The following PCDHA1 variants were observed in gnomAD, a reference collection of about 807,000 sequenced individuals.
PCDHA1 encodes protocadherin alpha 1, also known as protocadherin alpha-1.
A neutral mutation model predicts 61.3 loss-of-function variants in PCDHA1; 42 were observed. That is an observed-to-expected ratio of 0.69 (90% CI 0.54 to 0.89). The LOEUF (loss-of-function observed/expected upper bound fraction) is 0.89, where lower values mean the gene tolerates loss of function less well. PCDHA1 is among the 40% of genes least tolerant of loss of function. The pLI, the probability that PCDHA1 is intolerant of heterozygous loss-of-function variation, is 0.00. For missense variants in PCDHA1, 1,256 were observed against 1,235.3 expected, an observed-to-expected ratio of 1.02 and a Z score of -0.25; for synonymous variants, 610 against 553.8, an observed-to-expected ratio of 1.10 and a Z score of -1.43.
intron 1 of PCDHA1, chr5:140,927,529 C>A: frequency 6.2e-7 from 1 of 1,614,098 alleles, no homozygotes; most frequent in South Asian, 1.1e-5. Flanking sequence ...GCTACCTGCC[C>A]GCTCAGGAGA....
rs1554262627 is a variant in PCDHA1 at position 141,009,982 on chromosome 5, T to C, written c.*45T>C. On this transcript the variant is annotated 3_prime_UTR_variant, in exon 4 of 4. Transcript: ENST00000504120. ...GCCACTTAGCCAGTTTTTGTAATAA[T>C]GGCAAATCTCTCCCATGTAGCAATT... 1 of 1,582,572 alleles carries C rather than the reference T, an allele frequency of 6.3e-7. No homozygotes were observed. Among genetic ancestry groups the C allele is most frequent in the East Asian group, 2.2e-5 (1 of 44,666 alleles).
At chr5:140,833,540 G>A (rs1050312337) in intron 1 of PCDHA1, among the ~76,000 whole-genome samples, 6 of 152,094 alleles carry the variant, frequency 3.9e-5, no homozygotes, top group African/African-American at 1.4e-4. Flanking sequence ...GTGTTCGAAA[G>A]GATAGAATGA....
intron 3 of PCDHA1, among the ~76,000 whole-genome samples, chr5:141,005,530 C>T (rs920110529): frequency 1.3e-5 from 2 of 151,002 alleles, no homozygotes; most frequent in Non-Finnish European, 3.0e-5. Context: ...GGTGAAACCC[C>T]GTCTCTACTA....
chr5:140,871,420 C>G (rs1193380487), intron 1 of PCDHA1: 1 of 1,613,620 alleles, frequency 6.2e-7, no homozygotes, highest in Non-Finnish European at 8.5e-7. Context: ...GGCCTTCAGC[C>G]CCAGTCTTCC....
chr5:140,857,278 C>A lies in PCDHA1; in HGVS notation c.2394+68594C>A, dbSNP rs541123870. On this transcript the variant is annotated intron_variant, in intron 1 of 3. Transcript: ENST00000504120. ...ATTACTACTCATTGGTGCTGGACAGCGCTCTGGACCGCGAGAGGGTGTCGG... is the reference window on the plus strand; with the variant it reads ...ATTACTACTCATTGGTGCTGGACAGAGCTCTGGACCGCGAGAGGGTGTCGG... The A allele has an allele frequency of 1.8e-5, 29 of 1,598,570 alleles. 3 individuals are homozygous for A. The highest frequency in any genetic ancestry group is 1.7e-4 in the Middle Eastern group (1 of 5,938).
intron 3 of PCDHA1, among the ~76,000 whole-genome samples, chr5:140,997,668 T>TTGTGTGTGTGTGTGTGTGTG (rs35184029): frequency 6.7e-6 from 1 of 148,244 alleles, no homozygotes; most frequent in African/African-American, 2.5e-5. Context: ...ATTATACAGC[T>TTGTGTGTGTGTGTGTGTGTG]TGTGTGTGTG....
intron 1 of PCDHA1, chr5:140,851,035 A>G: frequency 7.1e-7 from 1 of 1,400,972 alleles, no homozygotes; most frequent in Non-Finnish European, 9.4e-7. Context: ...ACCCCTTAAC[A>G]TTGGAGCCGA....
rs1307934746 is a variant in PCDHA1, at chr5:140,846,014, A to C, written c.2394+57330A>C. 1.3e-5 allele frequency among the ~76,000 whole-genome samples: 2 copies of C among 149,776 alleles called. 1 individual carries two copies. Among genetic ancestry groups the C allele is most frequent in the Non-Finnish European group, 3.0e-5 (2 of 66,864 alleles). On this transcript the variant is annotated intron_variant, in intron 1 of 3. Transcript: ENST00000504120. ...TGTGGTGGAATGAAAAAAATCTAAA[A>C]GTTATTACGAGTTTAGGAAAGTCAA...
chr5:140,929,185 GATA>G (rs1393626283), intron 1 of PCDHA1: 12 of 1,614,168 alleles, frequency 7.4e-6, no homozygotes, highest in Non-Finnish European at 1.0e-5. Flanking sequence ...ACTTGGTTCT[GATA>G]ATAACAGTTT....
intron 1 of PCDHA1, chr5:140,813,734 G>C (rs1350848138): frequency 2.0e-5 from 3 of 152,336 alleles, no homozygotes; most frequent in Non-Finnish European, 4.4e-5. Flanking sequence ...GGTGGCTCAT[G>C]CCTGTAATCC....
intron 1 of PCDHA1, chr5:140,851,808 A>G (rs1231685115): frequency 1.1e-6 from 1 of 948,168 alleles, no homozygotes; most frequent in Non-Finnish European, 1.3e-6. Context: ...TCAGTAATCC[A>G]TAAGACAGAA....
intron 1 of PCDHA1, chr5:140,842,764 C>A (rs1554139348): frequency 3.1e-6 from 5 of 1,594,666 alleles, no homozygotes; most frequent in Non-Finnish European, 4.3e-6. Flanking sequence ...CTGCGCGAGA[C>A]GCGGACGCGC....
At chr5:140,803,888 T>C (rs956111748) in intron 1 of PCDHA1, 13 of 538,706 alleles carry the variant, frequency 2.4e-5, no homozygotes, top group Admixed American at 3.6e-5. Context: ...CTTAGATGAA[T>C]TGCATTATTT....
Position 140,788,694 on chromosome 5 carries a change from AC to A in PCDHA1, c.2394+11del. 6.5e-7 allele frequency: 1 copy of A among 1,532,438 alleles called. No homozygotes were observed. Among genetic ancestry groups the A allele is most frequent in the Non-Finnish European group, 8.8e-7 (1 of 1,140,034 alleles). 94.9% of individuals were successfully genotyped at this position (1,532,438 alleles called of 1,614,324 possible). A position where few individuals can be genotyped will look rare whatever the true frequency, so the allele number is the denominator to read the frequency against. The stretch of plus-strand genomic sequence containing the variant: ...GGATCTTTCTGGTAATGTAAGTCCA[AC>A]TTTCGAGTTTTGGCTTTAAATATTT... On this transcript the variant is annotated intron_variant, in intron 1 of 3. Transcript: ENST00000504120.
intron 1 of PCDHA1, among the ~76,000 whole-genome samples, chr5:140,893,177 T>A (rs2063856203): frequency 6.6e-6 from 1 of 152,232 alleles, no homozygotes; most frequent in Admixed American, 6.5e-5. Flanking sequence ...TTCCACATAG[T>A]AGCTATTGTG....
At position 140,924,046 on chromosome 5, in the gene PCDHA1, C is replaced by T. The variant is rs59270862; in HGVS notation, c.2395-54903C>T. Among the ~76,000 whole-genome samples, 1,259 of 152,276 alleles carry T rather than the reference C, an allele frequency of 8.3e-3. 10 individuals are homozygous for T. The highest frequency in any genetic ancestry group is 0.029 in the African/African-American group (1,206 of 41,556). ...AGGCATGGCTGCAGACCTAAAAGTT[C>T]GGTACATCTTTACAGTTGTATTTCA... is the stretch of plus-strand genomic sequence containing the variant. On this transcript the variant is annotated intron_variant, in intron 1 of 3. Coordinates refer to ENST00000504120, the MANE Select transcript of PCDHA1 (RefSeq NM_018900.4).
intron 3 of PCDHA1, among the ~76,000 whole-genome samples, chr5:140,984,683 T>A (rs1481664684): frequency 6.6e-6 from 1 of 152,200 alleles, no homozygotes; most frequent in East Asian, 1.9e-4. Flanking sequence ...GGACTCAATA[T>A]ATGTTCTGCA....
intron 1 of PCDHA1, among the ~76,000 whole-genome samples, chr5:140,951,019 G>A (rs555662052): frequency 2.0e-5 from 3 of 152,114 alleles, no homozygotes; most frequent in African/African-American, 7.2e-5. Context: ...ATCAGGCAGT[G>A]AGTTTTAATT....
chr5:140,932,474 A>G (rs1444534569), intron 1 of PCDHA1, among the ~76,000 whole-genome samples: 1 of 151,904 alleles, frequency 6.6e-6, no homozygotes, highest in African/African-American at 2.4e-5. Context: ...AGGAAATAGG[A>G]TATCTCCTCT....
Sources: gnomAD v4.1 joint callset for allele counts (sites outside exome capture counted in the v4.1 genomes callset) on GRCh38, gnomAD v4.1.1 for gene constraint, MANE v1.5 for transcripts, NCBI Gene and HGNC (gene_info 2026-07-23, HGNC 2026-07-21) for gene names.